KCNMA1: variants seen among roughly 807,000 people sequenced by gnomAD.
KCNMA1 encodes potassium calcium-activated channel subfamily M alpha 1.
In KCNMA1, 29 loss-of-function variants were observed where a neutral mutation model predicts 140.0. The observed-to-expected ratio is 0.21, with a 90% confidence interval of 0.15 to 0.28. The LOEUF is 0.28. Ranked by LOEUF, KCNMA1 falls within the 10% of genes least tolerant of loss-of-function variation. KCNMA1 has a pLI of 1.00. For synonymous variants in KCNMA1, 612 were observed against 611.9 expected, an observed-to-expected ratio of 1.00 and a Z score of 0.00; for missense variants, 880 against 1,602.2, an observed-to-expected ratio of 0.55 and a Z score of 7.70.
Position 76,886,995 on chromosome 10 carries a change from C to T in KCNMA1, c.*271G>A. On this transcript the variant is annotated 3_prime_UTR_variant, in exon 28 of 28. Transcript: ENST00000286628. Reference sequence around the variant, plus strand: ...TCTGTGAACTCGTTCCTGCAGTGAGCTATTTATGTCTGGAGCATGCCTTTG... The same window carrying T: ...TCTGTGAACTCGTTCCTGCAGTGAGTTATTTATGTCTGGAGCATGCCTTTG... 1.6e-6 allele frequency: 2 copies of T among 1,287,632 alleles called. No homozygotes were observed. Among genetic ancestry groups the T allele is most frequent in the African/African-American group, 1.5e-5 (1 of 66,152 alleles). 79.8% of individuals were successfully genotyped at this position (1,287,632 alleles called of 1,614,324 possible). A position where few individuals can be genotyped will look rare whatever the true frequency, so the allele number is the denominator to read the frequency against.
chr10:77,521,093 G>C (rs993909498), intron 1 of KCNMA1, among the ~76,000 whole-genome samples: 1 of 152,234 alleles, frequency 6.6e-6, no homozygotes, highest in Admixed American at 6.5e-5. Context: ...TTTAAACTAA[G>C]TGTGACAGAT....
At chr10:77,351,033 T>A (rs1011865559) in intron 2 of KCNMA1, among the ~76,000 whole-genome samples, 2 of 152,192 alleles carry the variant, frequency 1.3e-5, no homozygotes, top group African/African-American at 4.8e-5. Context: ...GAACAAAGAT[T>A]CTGAAAGATC....
chr10:76,887,738 T>C, intron 27 of KCNMA1: 1 of 578,004 alleles, frequency 1.7e-6, no homozygotes, highest in East Asian at 3.0e-5. Flanking sequence ...GGCAGAGATG[T>C]GGAATTAGAG....
At chr10:77,105,053 C>T (rs1489189619) in intron 9 of KCNMA1, among the ~76,000 whole-genome samples, 1 of 152,202 alleles carries the variant, frequency 6.6e-6, no homozygotes, top group East Asian at 1.9e-4. Context: ...AGATTACCTG[C>T]CTCAGCTACT....
intron 23 of KCNMA1, among the ~76,000 whole-genome samples, chr10:76,931,416 T>C (rs2059241398): frequency 6.6e-6 from 1 of 151,844 alleles, no homozygotes; most frequent in Non-Finnish European, 1.5e-5. Flanking sequence ...CAGAGAAGAT[T>C]CATTATTAGC....
At chr10:77,441,049 T>C (rs1018371664) in intron 1 of KCNMA1, among the ~76,000 whole-genome samples, 1 of 151,970 alleles carries the variant, frequency 6.6e-6, no homozygotes, top group Non-Finnish European at 1.5e-5. Flanking sequence ...GGTCTCGATC[T>C]CCTGACCTCG....
At chr10:77,177,748 C>T (rs1483041778) in intron 5 of KCNMA1, among the ~76,000 whole-genome samples, 1 of 152,150 alleles carries the variant, frequency 6.6e-6, no homozygotes, top group Non-Finnish European at 1.5e-5. Context: ...TATCCTCATT[C>T]TCCCACCCAC....
intron 5 of KCNMA1, among the ~76,000 whole-genome samples, chr10:77,161,244 T>C (rs1381129038): frequency 6.6e-6 from 1 of 152,166 alleles, no homozygotes; most frequent in African/African-American, 2.4e-5. Flanking sequence ...CACTGGTATA[T>C]CCTAGTGAGT....
intron 15 of KCNMA1, among the ~76,000 whole-genome samples, chr10:77,038,657 A>C (rs2094478082): frequency 1.3e-5 from 2 of 152,144 alleles, no homozygotes; most frequent in Admixed American, 1.3e-4. Context: ...CTTCTACCCC[A>C]GCCTCTAGAG....
intron 16 of KCNMA1, chr10:77,022,905 T>A (rs1311092154): frequency 2.2e-6 from 1 of 454,446 alleles, no homozygotes; most frequent in Admixed American, 2.4e-5. Flanking sequence ...AGTATGAATA[T>A]GTAAATATCC....
chr10:76,926,834 C>T (rs1055327627), intron 23 of KCNMA1, among the ~76,000 whole-genome samples: 4 of 152,072 alleles, frequency 2.6e-5, no homozygotes, highest in Non-Finnish European at 4.4e-5. Context: ...ACAAGAGATG[C>T]GCACCAAATA....
intron 3 of KCNMA1, among the ~76,000 whole-genome samples, chr10:77,232,579 T>C (rs745390838): frequency 1.8e-4 from 28 of 152,376 alleles, no homozygotes; most frequent in Middle Eastern, 3.4e-3. Context: ...GATGTATTCA[T>C]AAACTGACCA....
Position 77,598,428 on chromosome 10 carries a change from G to A in KCNMA1, c.378+38837C>T, listed in dbSNP as rs1158445940. On this transcript the variant is annotated intron_variant, in intron 1 of 27. Transcript: ENST00000286628. The stretch of plus-strand genomic sequence containing the variant: ...AAAACCTGTTTGCCTATCTTGACCC[G>A]GGCCTGGGGAAATAAGTGGAAGGGT... 4.6e-5 allele frequency among the ~76,000 whole-genome samples: 7 copies of A among 152,094 alleles called. No homozygotes were observed. The East Asian group carries it at 7.7e-4, about 17-fold the overall frequency.
Position 77,600,761 on chromosome 10 carries a change from A to ATATG in KCNMA1, c.378+36503_378+36504insCATA, listed in dbSNP as rs200032006. The stretch of plus-strand genomic sequence containing the variant: ...AACTCCATCTCAAACACACACACAC[A>ATATG]CACACATGCACACACACATATGCGC... On this transcript the variant is annotated intron_variant, in intron 1 of 27. Coordinates refer to ENST00000286628, the MANE Select transcript of KCNMA1 (RefSeq NM_001161352.2). 1.7e-3 allele frequency among the ~76,000 whole-genome samples: 257 copies of ATATG among 150,596 alleles called. 4 individuals carry two copies. In the East Asian group the frequency reaches 0.04, roughly 24 times the overall value.
chr10:77,495,291 C>T (rs901596170), intron 1 of KCNMA1, among the ~76,000 whole-genome samples: 20 of 152,180 alleles, frequency 1.3e-4, no homozygotes, highest in Non-Finnish European at 2.9e-5. Context: ...GCCTTTGTGG[C>T]CTCCCGCCTG....
intron 12 of KCNMA1, among the ~76,000 whole-genome samples, chr10:77,082,218 G>A (rs1438175356): frequency 6.6e-6 from 1 of 151,200 alleles, no homozygotes; most frequent in African/African-American, 2.4e-5. Context: ...TAGTAGATAC[G>A]GGGTTTCACC....
intron 25 of KCNMA1, among the ~76,000 whole-genome samples, chr10:76,896,623 C>A (rs1444799913): frequency 2.0e-5 from 3 of 152,138 alleles, no homozygotes; most frequent in African/African-American, 2.4e-5. Context: ...AAGGCTTCAG[C>A]CAGTCCCTCC....
intron 24 of KCNMA1, chr10:76,914,556 G>T (rs1006712904): frequency 6.0e-6 from 2 of 335,594 alleles, no homozygotes; most frequent in Admixed American, 4.5e-5. Flanking sequence ...GACTCAGATT[G>T]TAGGAGCTGT....
At chr10:77,176,446 TG>T (rs1291507639) in intron 5 of KCNMA1, among the ~76,000 whole-genome samples, 2 of 152,102 alleles carry the variant, frequency 1.3e-5, no homozygotes, top group Admixed American at 6.5e-5. Flanking sequence ...GTAACTCACC[TG>T]TTCCCATGAA....
Sources: allele counts gnomAD v4.1 joint callset (sites outside exome capture counted in the v4.1 genomes callset), GRCh38; gene constraint gnomAD v4.1.1; transcripts MANE v1.5; gene names NCBI Gene and HGNC (gene_info 2026-07-23, HGNC 2026-07-21).